Variants in SLC16A10 observed in about 807,000 individuals in gnomAD.
The protein encoded by SLC16A10 is solute carrier family 16 member 10.
A neutral mutation model predicts 40.0 loss-of-function variants in SLC16A10; 27 were observed. That is an observed-to-expected ratio of 0.67 (90% CI 0.50 to 0.93). The LOEUF is 0.93. Among genes scored for constraint, SLC16A10 ranks in the 40% least tolerant of loss-of-function variants. The pLI is 0.00. For missense variants in SLC16A10, 529 were observed against 658.2 expected (o/e 0.80, Z 2.15); for synonymous variants, 213 against 249.8 (o/e 0.85, Z 1.39).
At chr6:111,189,543 C>T (rs763387947) in intron 3 of SLC16A10, among the ~76,000 whole-genome samples, 11 of 152,084 alleles carry the variant, frequency 7.2e-5, no homozygotes, top group Non-Finnish European at 1.5e-4. Flanking sequence ...TCTGTTTTCA[C>T]ACTGCTAATA....
At position 111,229,990 on chromosome 6, in the gene SLC16A10, C is replaced by CTTTTTTT. The variant is rs4038340; in HGVS notation, c.*7767_*7773dup. The CTTTTTTT allele has an allele frequency of 0.54, 45,747 of 84,126 alleles. 14,292 individuals are homozygous for CTTTTTTT. Among genetic ancestry groups the CTTTTTTT allele is most frequent in the East Asian group, 0.88 (2,149 of 2,442 alleles). The allele number at this position is 84,126 out of a possible 1,614,324, so 5.2% of individuals were successfully genotyped here. On this transcript the variant is annotated 3_prime_UTR_variant, in exon 6 of 6. Transcript: ENST00000368851. ...CAGGTTTCTTTTTCTTTCTTTGTTT[C>CTTTTTTT]TTTTTTTTTTTTTTTTTTGAGATGG... is the stretch of plus-strand genomic sequence containing the variant.
At chr6:111,184,291 A>G (rs1483842494) in intron 3 of SLC16A10, among the ~76,000 whole-genome samples, 1 of 152,164 alleles carries the variant, frequency 6.6e-6, no homozygotes, top group Non-Finnish European at 1.5e-5. Context: ...ATATGTATTC[A>G]TTAGCCTGTT....
At chr6:111,147,002 A>T (rs1424769709) in intron 1 of SLC16A10, among the ~76,000 whole-genome samples, 1 of 152,236 alleles carries the variant, frequency 6.6e-6, no homozygotes, top group Non-Finnish European at 1.5e-5. Flanking sequence ...AGAATTAGCA[A>T]TTCCATAAAG....
intron 3 of SLC16A10, among the ~76,000 whole-genome samples, chr6:111,186,048 C>T (rs1015502500): frequency 7.2e-5 from 11 of 152,062 alleles, no homozygotes; most frequent in Admixed American, 5.9e-4. Context: ...CACAGGTGCA[C>T]ACCACCACAC....
In SLC16A10 at chr6:111,226,641, C is replaced by T. The variant is rs1218565022; in HGVS notation, c.*4406C>T. On this transcript the variant is annotated 3_prime_UTR_variant, in exon 6 of 6. Coordinates refer to ENST00000368851, the MANE Select transcript of SLC16A10 (RefSeq NM_018593.5). ...TAAAACTATTACCTTCTTTTTACAT[C>T]TATATGTTTTTATAATTTGAAAGGC... 3 of 152,068 alleles carry T rather than the reference C, an allele frequency of 2.0e-5. No individual in the cohort carries two copies. The highest frequency in any genetic ancestry group is 3.9e-4 in the East Asian group (2 of 5,194). The allele number at this position is 152,068 out of a possible 1,614,324, so 9.4% of individuals were successfully genotyped here.
chr6:111,092,885 C>A (rs887639722), intron 1 of SLC16A10, among the ~76,000 whole-genome samples: 6 of 151,084 alleles, frequency 4.0e-5, no homozygotes, highest in Non-Finnish European at 7.4e-5. Context: ...ACTAAAAATA[C>A]AAAAAATTAG....
chr6:111,122,505 C>A (rs145893003), intron 1 of SLC16A10, among the ~76,000 whole-genome samples: 27 of 152,228 alleles, frequency 1.8e-4, no homozygotes, highest in African/African-American at 6.0e-4. Flanking sequence ...TTTAAAGAAC[C>A]CTGTGCTCTT....
intron 1 of SLC16A10, among the ~76,000 whole-genome samples, chr6:111,167,344 G>A (rs759563137): frequency 1.1e-4 from 16 of 152,210 alleles, no homozygotes; most frequent in Non-Finnish European, 1.9e-4. Flanking sequence ...GAGGAAATGA[G>A]CAAGGGCAAG....
chr6:111,191,828 G>A (rs1463342842), intron 3 of SLC16A10, among the ~76,000 whole-genome samples: 1 of 151,708 alleles, frequency 6.6e-6, no homozygotes, highest in African/African-American at 2.4e-5. Context: ...CTTTTGAAAA[G>A]TGTTCATATC....
intron 1 of SLC16A10, among the ~76,000 whole-genome samples, chr6:111,130,476 C>T (rs569062536): frequency 1.3e-5 from 2 of 152,284 alleles, no homozygotes; most frequent in South Asian, 2.1e-4. Context: ...TGGACTCCCC[C>T]TTTTTGGGGG....
intron 3 of SLC16A10, among the ~76,000 whole-genome samples, chr6:111,195,928 T>A (rs1287790343): frequency 1.3e-5 from 2 of 152,132 alleles, no homozygotes; most frequent in Non-Finnish European, 2.9e-5. Flanking sequence ...ATTTAAAATA[T>A]AGGCAGTCCT....
intron 4 of SLC16A10, among the ~76,000 whole-genome samples, chr6:111,217,956 A>G (rs1009434225): frequency 1.3e-5 from 2 of 152,200 alleles, no homozygotes; most frequent in Non-Finnish European, 2.9e-5. Context: ...TCTAGCACAT[A>G]GCACAGTGCC....
At chr6:111,211,529 T>C (rs1350080816) in intron 4 of SLC16A10, among the ~76,000 whole-genome samples, 1 of 152,226 alleles carries the variant, frequency 6.6e-6, no homozygotes, top group African/African-American at 2.4e-5. Flanking sequence ...AGAGCATCGT[T>C]TGTGGCACCC....
At chr6:111,098,925 T>C (rs574369741) in intron 1 of SLC16A10, among the ~76,000 whole-genome samples, 4 of 152,228 alleles carry the variant, frequency 2.6e-5, no homozygotes, top group Non-Finnish European at 5.9e-5. Flanking sequence ...GTAAGTTGTT[T>C]TTTAGGAATA....
At chr6:111,099,437 C>A (rs966990685) in intron 1 of SLC16A10, among the ~76,000 whole-genome samples, 4 of 152,006 alleles carry the variant, frequency 2.6e-5, no homozygotes, top group Non-Finnish European at 2.9e-5. Flanking sequence ...CTCAGCCTCC[C>A]GAGTAGCTGG....
At chr6:111,174,529 T>C (rs1035062498) in intron 2 of SLC16A10, among the ~76,000 whole-genome samples, 7 of 152,212 alleles carry the variant, frequency 4.6e-5, no homozygotes, top group Non-Finnish European at 1.0e-4. Flanking sequence ...ATGGGTTTTT[T>C]CTTCTAAAAT....
chr6:111,168,456 A>G (rs75661418), intron 1 of SLC16A10, among the ~76,000 whole-genome samples: 2,396 of 152,304 alleles, frequency 0.016, 22 homozygotes, highest in Non-Finnish European at 0.024. Context: ...AGCTAGCTCT[A>G]TTGAGTCTTT....
At chr6:111,196,324 T>G (rs2114572324) in intron 3 of SLC16A10, among the ~76,000 whole-genome samples, 2 of 151,802 alleles carry the variant, frequency 1.3e-5, no homozygotes, top group Middle Eastern at 3.4e-3. Flanking sequence ...GGTGACAGAG[T>G]GAAACTCTGT....
At chr6:111,120,217 C>A (rs1030432194) in intron 1 of SLC16A10, among the ~76,000 whole-genome samples, 32 of 152,150 alleles carry the variant, frequency 2.1e-4, no homozygotes, top group Admixed American at 1.3e-4. Flanking sequence ...TCTCCTTTTT[C>A]TGTGTTTAGT....
Sources: allele counts gnomAD v4.1 joint callset (sites outside exome capture counted in the v4.1 genomes callset), GRCh38; gene constraint gnomAD v4.1.1; transcripts MANE v1.5; gene names NCBI Gene and HGNC (gene_info 2026-07-23, HGNC 2026-07-21).